Variants in TOGARAM1 observed in about 807,000 individuals in gnomAD.
The protein encoded by TOGARAM1 is TOG array regulator of axonemal microtubules protein 1.
TOGARAM1 carries 100 observed loss-of-function variants against 166.6 expected under a neutral mutation model. The ratio of observed to expected loss-of-function variants is 0.60; its 90% CI spans 0.51 to 0.71. TOGARAM1 has a LOEUF of 0.71. Among genes scored for constraint, TOGARAM1 ranks in the 30% least tolerant of loss-of-function variants. The pLI is 0.00. For synonymous variants in TOGARAM1, 758 were observed against 763.8 expected (o/e 0.99, Z 0.13); for missense variants, 2,029 against 2,102.7 (o/e 0.96, Z 0.69).
Position 45,052,446 on chromosome 14 carries a change from C to T in TOGARAM1, c.4324C>T (p.Arg1442Ter), listed in dbSNP as rs767046437. The T allele has an allele frequency of 9.3e-6, 15 of 1,609,670 alleles. No homozygotes were observed. Among genetic ancestry groups the T allele is most frequent in the Admixed American group, 6.7e-5 (4 of 59,730 alleles). The change falls in exon 15 of 20, where the codon CGA becomes TGA. Residue 1442 changes from arginine to a stop codon, truncating the protein, a stop_gained. Coordinates refer to ENST00000361462, the MANE Select transcript of TOGARAM1 (RefSeq NM_001308120.2). LOFTEE classifies it high-confidence loss of function. ...TTCAAATACTCACAGGTATTATGGT[C>T]GAAAGATGCTGTTCTTCATGATGTG... Reference protein sequence around the residue: ...DSSQETRYYGRKMLFFMMCHP... With the variant: ...DSSQETRYYG
chr14:44,976,195 T>C (rs1049269831), intron 1 of TOGARAM1, among the ~76,000 whole-genome samples: 2 of 152,172 alleles, frequency 1.3e-5, no homozygotes, highest in Non-Finnish European at 2.9e-5. Context: ...AATTCAGTAA[T>C]AGCCCCCTTT....
intron 3 of TOGARAM1, among the ~76,000 whole-genome samples, chr14:45,002,811 A>G (rs1211458037): frequency 2.0e-5 from 3 of 152,124 alleles, no homozygotes; most frequent in Admixed American, 6.6e-5. Context: ...CCCCGTCTCT[A>G]CTAAAAATTA....
intron 8 of TOGARAM1, among the ~76,000 whole-genome samples, chr14:45,026,832 T>A: frequency 7.7e-6 from 1 of 130,118 alleles, no homozygotes. Flanking sequence ...ACCCCATCTC[T>A]ACCAAAAAAA....
intron 10 of TOGARAM1, among the ~76,000 whole-genome samples, chr14:45,029,880 G>A (rs954536450): frequency 6.6e-6 from 1 of 151,966 alleles, no homozygotes; most frequent in Non-Finnish European, 1.5e-5. Context: ...GGAGTGCAGC[G>A]GCACGATCTC....
chr14:45,038,181 A>G (rs937778132), intron 11 of TOGARAM1, among the ~76,000 whole-genome samples: 7 of 152,186 alleles, frequency 4.6e-5, no homozygotes, highest in Non-Finnish European at 7.4e-5. Context: ...TGTTAGGATT[A>G]CAGGCTTAGG....
At chr14:44,991,090 C>T (rs541589907) in intron 1 of TOGARAM1, among the ~76,000 whole-genome samples, 1 of 150,572 alleles carries the variant, frequency 6.6e-6, no homozygotes, top group East Asian at 2.0e-4. Flanking sequence ...TCCTAAGTTA[C>T]TGGGACTACC....
chr14:44,977,927 G>C (rs193206735), intron 1 of TOGARAM1, among the ~76,000 whole-genome samples: 23 of 152,344 alleles, frequency 1.5e-4, no homozygotes, highest in Non-Finnish European at 2.8e-4. Flanking sequence ...TGGGATTACA[G>C]GCATGAGCCA....
At chr14:45,068,213 C>A (rs1883220470) in intron 17 of TOGARAM1, among the ~76,000 whole-genome samples, 1 of 151,988 alleles carries the variant, frequency 6.6e-6, no homozygotes, top group Non-Finnish European at 1.5e-5. Flanking sequence ...TTTTTGAGGC[C>A]TTCTCTTTTT....
At chr14:45,035,172 C>T (rs1881359158) in intron 11 of TOGARAM1, among the ~76,000 whole-genome samples, 1 of 151,996 alleles carries the variant, frequency 6.6e-6, no homozygotes, top group Admixed American at 6.6e-5. Flanking sequence ...GAAGCCTGAC[C>T]AATAAGGCAA....
At chr14:45,027,225 T>G in intron 8 of TOGARAM1, 74 bp from the exon 9 acceptor site, 1 of 1,465,840 alleles carries the variant, frequency 6.8e-7, no homozygotes, top group South Asian at 1.3e-5. Flanking sequence ...GGCAAGAGCC[T>G]TGCCTTAAAC....
In TOGARAM1 at chr14:45,073,873, T is replaced by C. The variant is rs1883492084; in HGVS notation, c.*312T>C. ...ATAGAAACTACAATTTGTTGCCCTA[T>C]ATGTAAAATTAGAATTGTAATTAAA... On this transcript the variant is annotated 3_prime_UTR_variant, in exon 20 of 20. Transcript: ENST00000361462. 5.0e-6 allele frequency: 1 copy of C among 198,048 alleles called. No homozygotes were observed. The highest frequency in any genetic ancestry group is 1.0e-5 in the Non-Finnish European group (1 of 98,270). 12.3% of individuals were successfully genotyped at this position (198,048 alleles called of 1,614,324 possible).
At chr14:44,990,531 A>G (rs1230614188) in intron 1 of TOGARAM1, among the ~76,000 whole-genome samples, 1 of 152,204 alleles carries the variant, frequency 6.6e-6, no homozygotes, top group Non-Finnish European at 1.5e-5. Flanking sequence ...ATAAATGTCA[A>G]ACAAAGAATC....
At chr14:45,032,152 T>G in intron 10 of TOGARAM1, 71 bp from the exon 11 acceptor site, 1 of 1,382,042 alleles carries the variant, frequency 7.2e-7, no homozygotes, top group African/African-American at 1.5e-5. Context: ...ACAGCGAGAC[T>G]CCATCTCAAA....
chr14:45,022,549 G>A (rs1035959612), intron 7 of TOGARAM1, among the ~76,000 whole-genome samples: 7 of 151,626 alleles, frequency 4.6e-5, no homozygotes, highest in African/African-American at 1.5e-4. Flanking sequence ...TGAAAGTTTG[G>A]TGAAGGGTTT....
intron 7 of TOGARAM1, among the ~76,000 whole-genome samples, chr14:45,021,922 G>A (rs761485774): frequency 2.0e-5 from 3 of 152,086 alleles, no homozygotes; most frequent in East Asian, 3.9e-4. Context: ...AGGAAGGGCC[G>A]TCCATACAGC....
intron 1 of TOGARAM1, among the ~76,000 whole-genome samples, chr14:44,966,961 C>G (rs1315046009): frequency 3.3e-5 from 5 of 151,950 alleles, no homozygotes; most frequent in Non-Finnish European, 7.4e-5. Context: ...GACTCAAAAA[C>G]AAAATAAAAC....
chr14:44,998,218 G>A (rs1887527181), intron 2 of TOGARAM1, among the ~76,000 whole-genome samples: 1 of 152,118 alleles, frequency 6.6e-6, no homozygotes, highest in African/African-American at 2.4e-5. Context: ...TGGCAGTTTT[G>A]ATTTTGATTT....
intron 1 of TOGARAM1, among the ~76,000 whole-genome samples, chr14:44,989,158 C>T (rs529013143): frequency 2.0e-5 from 3 of 152,156 alleles, no homozygotes; most frequent in South Asian, 2.1e-4. Flanking sequence ...CACTTTTTTT[C>T]GATGTCCATA....
chr14:44,994,684 G>C (rs1887332209), intron 1 of TOGARAM1, among the ~76,000 whole-genome samples: 1 of 152,160 alleles, frequency 6.6e-6, no homozygotes, highest in Admixed American at 6.5e-5. Context: ...CTTCCAAAGT[G>C]CTGTGATTAC....
Sources: allele counts gnomAD v4.1 joint callset (sites outside exome capture counted in the v4.1 genomes callset), GRCh38; gene constraint gnomAD v4.1.1; transcripts MANE v1.5; gene names NCBI Gene and HGNC (gene_info 2026-07-23, HGNC 2026-07-21).